Variants in SH3TC1 observed in about 807,000 individuals in gnomAD.
The protein encoded by SH3TC1 is SH3 domain and tetratricopeptide repeats 1.
SH3TC1 carries 135 observed loss-of-function variants against 117.3 expected under a neutral mutation model. That is an observed-to-expected ratio of 1.15 (90% confidence interval 1.00 to 1.33). The LOEUF is 1.33. Ranked by LOEUF, SH3TC1 falls within the 40% of genes most tolerant of loss-of-function variation. The pLI is 0.00. For synonymous variants in SH3TC1, 898 were observed against 816.9 expected, an observed-to-expected ratio of 1.10 and a Z score of -1.69; for missense variants, 2,092 against 1,794.3, an observed-to-expected ratio of 1.17 and a Z score of -3.00.
chr4:8,220,970 G>A (rs185978991), intron 9 of SH3TC1, among the ~76,000 whole-genome samples: 1 of 152,356 alleles, frequency 6.6e-6, no homozygotes, highest in African/African-American at 2.4e-5. Context: ...GCCCTAAGGA[G>A]TGGGGAAAAG....
intron 17 of SH3TC1, among the ~76,000 whole-genome samples, chr4:8,238,403 G>A (rs1209793652): frequency 6.6e-6 from 1 of 152,180 alleles, no homozygotes; most frequent in Non-Finnish European, 1.5e-5. Flanking sequence ...TCGGATCTGG[G>A]ATGTCCCCAC....
At chr4:8,202,000 G>T (rs976167434) in intron 1 of SH3TC1, among the ~76,000 whole-genome samples, 4 of 152,182 alleles carry the variant, frequency 2.6e-5, no homozygotes, top group Non-Finnish European at 5.9e-5. Flanking sequence ...TCAGGCGTTC[G>T]GAGCGAAAGA....
At position 8,205,871 on chromosome 4, in the gene SH3TC1, C is replaced by G; in HGVS notation, c.172+505C>G. On this transcript the variant is annotated intron_variant, in intron 2 of 17. Transcript: ENST00000245105. The surrounding 1 kb of genome is among the most constrained non-coding windows in gnomAD (Gnocchi z 5.4). ...AGTGACCTAGGTGATCTCCAGGATC[C>G]CCTCTTACCCCCATCCTGAGACCCT... 1 of 572,262 alleles carries G rather than the reference C, an allele frequency of 1.7e-6. No homozygotes were observed. Among genetic ancestry groups the G allele is most frequent in the Non-Finnish European group, 3.1e-6 (1 of 321,002 alleles). The allele number at this position is 572,262 out of a possible 1,614,324, so 35.4% of individuals were successfully genotyped here.
At chr4:8,230,385 C>G (rs1175299782) in intron 12 of SH3TC1, among the ~76,000 whole-genome samples, 1 of 152,134 alleles carries the variant, frequency 6.6e-6, no homozygotes, top group Non-Finnish European at 1.5e-5. Flanking sequence ...ATCCTCCCAC[C>G]TCGGCCTCAC....
rs1717439039 is a variant in SH3TC1, at chr4:8,192,226, T to C, written c.-57+10016T>C. Among the ~76,000 whole-genome samples, 1 of 151,772 alleles carries C rather than the reference T, an allele frequency of 6.6e-6. No homozygotes were observed. The highest frequency in any genetic ancestry group is 1.5e-5 in the Non-Finnish European group (1 of 67,976). On this transcript the variant is annotated intron_variant, in intron 1 of 16. Transcript: ENST00000508641. This position sits in a 1 kb window ranked among gnomAD's most constrained non-coding sequence, Gnocchi z 4.1. ...CCAGGCTGGTCCCGAACTCCTGACC[T>C]CAAGTGATCTGCACCCCCCTCGGCC...
chr4:8,223,064 C>T, intron 10 of SH3TC1, 94 bp downstream of exon 10: 1 of 1,481,242 alleles, frequency 6.8e-7, no homozygotes. Context: ...TAGTGCCAGC[C>T]CCTGGATGCT....
rs368206636 is a variant in SH3TC1 at position 8,214,163 on chromosome 4, G to T, written c.376-312G>T. ...GGGACCAGCTTAGGTCGGGAGAAGC[G>T]GCGGTCACTGGTGTGTGGGGGATAA... On this transcript the variant is annotated intron_variant, in intron 4 of 17. Transcript: ENST00000245105. Among the ~76,000 whole-genome samples, 3 of 152,246 alleles carry T rather than the reference G, an allele frequency of 2.0e-5. No individual in the cohort carries two copies. The South Asian group carries it at 6.2e-4, about 32-fold the overall frequency.
rs988429618 is a variant in SH3TC1, at chr4:8,237,662, G to T, written c.3745G>T (p.Asp1249Tyr). Residue 1249 changes from aspartate to tyrosine, a missense_variant, in exon 17 of 18, where the codon GAC becomes TAC. Asp to Tyr is a radical substitution (Grantham distance 160). Transcript: ENST00000245105. ...GGTGCTCGGTGACATCATCTTCTACGACCTGAAGGTGGGTGGGGAGGGGCT... is the reference window on the plus strand; with the variant it reads ...GGTGCTCGGTGACATCATCTTCTACTACCTGAAGGTGGGTGGGGAGGGGCT... ...YLVLGDIIFY[D>Y]LKDPFDAAGY... The T allele has an allele frequency of 1.9e-6, 3 of 1,599,752 alleles. No individual in the cohort carries two copies. The highest frequency in any genetic ancestry group is 4.5e-5 in the East Asian group (2 of 44,400).
intron 4 of SH3TC1, 85 bp from the exon 5 acceptor site, chr4:8,214,390 T>G (rs1299146481): frequency 7.8e-7 from 1 of 1,281,928 alleles, no homozygotes; most frequent in Non-Finnish European, 1.1e-6. Context: ...ATCTGCAAGA[T>G]GTCTCTGTCA....
Position 8,205,728 on chromosome 4 carries a change from C to G in SH3TC1, c.172+362C>G. 1 of 689,830 alleles carries G rather than the reference C, an allele frequency of 1.4e-6. No individual in the cohort carries two copies. Among genetic ancestry groups the G allele is most frequent in the Non-Finnish European group, 2.7e-6 (1 of 373,654 alleles). The allele number at this position is 689,830 out of a possible 1,614,324, so 42.7% of individuals were successfully genotyped here. ...CTGAGAGTCCTCAGGATGAGGCATC[C>G]TCGTTCTCCAGGAGGCACCCAAGGT... is the stretch of plus-strand genomic sequence containing the variant. On this transcript the variant is annotated intron_variant, in intron 2 of 17. Coordinates refer to ENST00000245105, the MANE Select transcript of SH3TC1 (RefSeq NM_018986.5). This position sits in a 1 kb window ranked among gnomAD's most constrained non-coding sequence, Gnocchi z 5.4.
rs1321665308 is a variant in SH3TC1 at position 8,209,873 on chromosome 4, C to G, written c.247+51C>G. 6.4e-7 allele frequency: 1 copy of G among 1,570,802 alleles called. No homozygotes were observed. The highest frequency in any genetic ancestry group is 8.7e-7 in the Non-Finnish European group (1 of 1,151,472). On this transcript the variant is annotated intron_variant, in intron 3 of 17. Transcript: ENST00000245105. The surrounding 1 kb of genome is among the most constrained non-coding windows in gnomAD (Gnocchi z 5.9). ...GCTTCAGGTTCAAATCCGGGCTGTG[C>G]CGCTCCCTGGGCATCCAAGAGTCCA...
At position 8,222,923 on chromosome 4, in the gene SH3TC1, T is replaced by C; in HGVS notation, c.1196T>C (p.Leu399Ser). 6.2e-7 allele frequency: 1 copy of C among 1,613,288 alleles called. No individual in the cohort carries two copies. Among genetic ancestry groups the C allele is most frequent in the Non-Finnish European group, 8.5e-7 (1 of 1,179,874 alleles). ...TTTTCTGAGGAGGATGCCAGGCAGT[T>C]GCTGAGGCGGATGTCGGGCACCGAT... ...GCFSEEDARQ[L>S]LRRMSGTDVC... The change falls in exon 10 of 18, where the codon TTG becomes TCG. Residue 399 changes from leucine (L) to serine (S), a missense_variant. By Grantham distance (145) the Leu-to-Ser change is moderately radical. Coordinates refer to ENST00000245105, the MANE Select transcript of SH3TC1 (RefSeq NM_018986.5).
At chr4:8,233,664 C>G in intron 14 of SH3TC1, 151 bp downstream of exon 14, 1 of 922,620 alleles carries the variant, frequency 1.1e-6, no homozygotes, top group Non-Finnish European at 1.5e-6. Flanking sequence ...CCATCATCTA[C>G]CCATTCACCT....
At chr4:8,200,152 G>A (rs1446762680) in intron 1 of SH3TC1, among the ~76,000 whole-genome samples, 6 of 152,230 alleles carry the variant, frequency 3.9e-5, no homozygotes, top group African/African-American at 1.4e-4. Context: ...AAGTGACGCT[G>A]GGGGGTGTTA....
chr4:8,214,368 C>A, intron 4 of SH3TC1, 107 bp from the exon 5 acceptor site: 2 of 1,015,562 alleles, frequency 2.0e-6, no homozygotes, highest in Non-Finnish European at 2.9e-6. Flanking sequence ...TGTCGTCCCC[C>A]GCCGGGGCCA....
chr4:8,216,435 C>G (rs1719283832), intron 6 of SH3TC1, among the ~76,000 whole-genome samples, 178 bp downstream of exon 6: 1 of 152,206 alleles, frequency 6.6e-6, no homozygotes, highest in Admixed American at 6.5e-5. Flanking sequence ...TGTCACTTAG[C>G]TCTAGAGACC....
At chr4:8,224,847 G>C (rs2279195) in intron 10 of SH3TC1, among the ~76,000 whole-genome samples, 58,693 of 152,086 alleles carry the variant, frequency 0.39, 11,727 homozygotes, top group East Asian at 0.54. Context: ...CCAGAAGACG[G>C]GAGAGTGGAA....
chr4:8,198,143 G>T (rs896275615), upstream of SH3TC1, among the ~76,000 whole-genome samples: 6 of 152,122 alleles, frequency 3.9e-5, no homozygotes, highest in Admixed American at 1.3e-4. Flanking sequence ...CCCAAATGTC[G>T]GTAGTGCCTT....
At chr4:8,233,048 G>C in intron 13 of SH3TC1, 1 of 1,235,972 alleles carries the variant, frequency 8.1e-7, no homozygotes, top group South Asian at 1.6e-5. Flanking sequence ...GATAGCATCT[G>C]AACACTGATG....
Sources: allele counts gnomAD v4.1 joint callset (sites outside exome capture counted in the v4.1 genomes callset), GRCh38; gene constraint gnomAD v4.1.1; non-coding constraint Gnocchi (gnomAD v3.1); transcripts MANE v1.5; gene names NCBI Gene and HGNC (gene_info 2026-07-23, HGNC 2026-07-21).